The following ULK4 variants were observed in gnomAD, a reference collection of about 807,000 sequenced individuals.
ULK4 encodes inactive serine/threonine-protein kinase ULK4.
In ULK4, 133 loss-of-function variants were observed where a neutral mutation model predicts 160.6. The observed-to-expected ratio is 0.83, with a 90% CI of 0.72 to 0.96. The LOEUF is 0.96. Ranked by LOEUF, ULK4 falls within the 40% of genes least tolerant of loss-of-function variation. The pLI is 0.00. For missense variants in ULK4, 1,580 were observed against 1,499.5 expected (o/e 1.05, Z -0.89); for synonymous variants, 534 against 539.8 (o/e 0.99, Z 0.15).
intron 19 of ULK4, among the ~76,000 whole-genome samples, chr3:41,809,491 G>A (rs1164009661): frequency 6.6e-6 from 1 of 152,164 alleles, no homozygotes; most frequent in Admixed American, 6.6e-5. Context: ...TGAAAAAGTA[G>A]GCGTGTAGAC....
intron 22 of ULK4, among the ~76,000 whole-genome samples, chr3:41,747,757 C>T (rs2038466723): frequency 6.6e-6 from 1 of 152,120 alleles, no homozygotes; most frequent in South Asian, 2.1e-4. Context: ...AAAGGAAAGG[C>T]CATGCGAGGA....
intron 35 of ULK4, among the ~76,000 whole-genome samples, chr3:41,273,499 T>C (rs1034681128): frequency 2.6e-5 from 4 of 152,192 alleles, no homozygotes; most frequent in South Asian, 2.1e-4. Flanking sequence ...CATCCATACA[T>C]TTCCAGGGTT....
At chr3:41,284,939 T>A (rs1221115351) in intron 35 of ULK4, among the ~76,000 whole-genome samples, 3 of 152,012 alleles carry the variant, frequency 2.0e-5, no homozygotes, top group Non-Finnish European at 1.5e-5. Flanking sequence ...AGGACATGAA[T>A]AGACAATTCT....
chr3:41,939,579 G>A (rs1699886611), intron 2 of ULK4, among the ~76,000 whole-genome samples: 1 of 151,796 alleles, frequency 6.6e-6, no homozygotes, highest in Admixed American at 6.6e-5. Flanking sequence ...AGAACTCTCA[G>A]AAGGATTCTA....
intron 35 of ULK4, among the ~76,000 whole-genome samples, chr3:41,380,913 G>A (rs2081635894): frequency 1.3e-5 from 2 of 152,062 alleles, no homozygotes; most frequent in Non-Finnish European, 2.9e-5. Flanking sequence ...CGCGTGATAT[G>A]CTCCTCTTGC....
At chr3:41,851,825 C>A (rs528164095) in intron 17 of ULK4, among the ~76,000 whole-genome samples, 3 of 152,026 alleles carry the variant, frequency 2.0e-5, no homozygotes, top group African/African-American at 7.2e-5. Context: ...CCTAACATCA[C>A]AATTAAAAGA....
chr3:41,961,705 G>A (rs1460914611), intron 1 of ULK4, among the ~76,000 whole-genome samples: 1 of 152,182 alleles, frequency 6.6e-6, no homozygotes, highest in Non-Finnish European at 1.5e-5. Context: ...GCTCTGGGAA[G>A]TTAAGAGATG....
At chr3:41,848,415 C>G (rs1014110158) in intron 17 of ULK4, among the ~76,000 whole-genome samples, 2 of 152,212 alleles carry the variant, frequency 1.3e-5, no homozygotes, top group Non-Finnish European at 2.9e-5. Context: ...TCCAGCCCCT[C>G]TTCTTAACAC....
intron 21 of ULK4, among the ~76,000 whole-genome samples, chr3:41,767,802 C>T (rs377270254): frequency 1.3e-5 from 2 of 151,974 alleles, no homozygotes; most frequent in African/African-American, 4.8e-5. Flanking sequence ...TTCTCAAAAG[C>T]CTTAAAAAGG....
intron 34 of ULK4, among the ~76,000 whole-genome samples, chr3:41,424,289 G>A (rs778454386): frequency 6.6e-6 from 1 of 152,154 alleles, no homozygotes; most frequent in Admixed American, 6.5e-5. Flanking sequence ...TGAGCCCCTG[G>A]GGGGAGGGGC....
At chr3:41,370,610 C>T (rs891079360) in intron 35 of ULK4, among the ~76,000 whole-genome samples, 8 of 152,294 alleles carry the variant, frequency 5.3e-5, no homozygotes, top group Admixed American at 3.3e-4. Flanking sequence ...GTGCCACGAG[C>T]GACGGAGCTA....
chr3:41,916,433 G>T (rs2148809085), intron 7 of ULK4, among the ~76,000 whole-genome samples: 1 of 152,272 alleles, frequency 6.6e-6, no homozygotes, highest in Middle Eastern at 3.4e-3. Flanking sequence ...CTGTCACCCA[G>T]GGTGGAGTGC....
At chr3:41,704,514 G>GT (rs1440169726) in intron 27 of ULK4, among the ~76,000 whole-genome samples, 1 of 152,158 alleles carries the variant, frequency 6.6e-6, no homozygotes, top group African/African-American at 2.4e-5. Flanking sequence ...TTCTCCTAAA[G>GT]TCAACAAGCA....
intron 32 of ULK4, among the ~76,000 whole-genome samples, chr3:41,527,708 T>C (rs898023220): frequency 3.9e-5 from 6 of 152,230 alleles, no homozygotes; most frequent in African/African-American, 1.4e-4. Context: ...CTCACAATAA[T>C]ACCTTTTCAT....
Position 41,398,212 on chromosome 3 carries a change from A to G in ULK4, c.3545T>C (p.Ile1182Thr), listed in dbSNP as rs145321691. 5.6e-6 allele frequency: 9 copies of G among 1,612,830 alleles called. No homozygotes were observed. In the African/African-American group the frequency reaches 8.0e-5, roughly 14 times the overall value. The part of the protein sequence containing the change: ...IFDVSSKCLS[I>T]LVQLYGGENP... ...TTCCCCTCCATACAGCTGAACCAGT[A>G]TAGACAGGCACTTGGATGAAACATC... is the stretch of plus-strand genomic sequence containing the variant. The change falls in exon 35 of 37, where the codon ATA becomes ACA. Residue 1182 changes from isoleucine (I) to threonine (T), a missense_variant. Coordinates refer to ENST00000301831, the MANE Select transcript of ULK4 (RefSeq NM_017886.4).
chr3:41,378,186 G>T (rs1444543113), intron 35 of ULK4, among the ~76,000 whole-genome samples: 1 of 133,722 alleles, frequency 7.5e-6, no homozygotes, highest in Non-Finnish European at 1.5e-5. Context: ...AGATCACATG[G>T]ACACAGGAAG....
intron 35 of ULK4, among the ~76,000 whole-genome samples, chr3:41,268,544 GC>G (rs771099202): frequency 3.9e-5 from 6 of 152,130 alleles, no homozygotes; most frequent in Non-Finnish European, 7.4e-5. Flanking sequence ...GGTGGCTTAT[GC>G]CTGTAATCCC....
At chr3:41,661,513 T>C (rs1287025627) in intron 30 of ULK4, among the ~76,000 whole-genome samples, 2 of 148,610 alleles carry the variant, frequency 1.3e-5, no homozygotes, top group Non-Finnish European at 3.0e-5. Context: ...AGATAGATGA[T>C]AGATAGATAG....
intron 34 of ULK4, among the ~76,000 whole-genome samples, chr3:41,424,902 G>C (rs1008992804): frequency 6.8e-6 from 1 of 147,338 alleles, no homozygotes; most frequent in East Asian, 2.0e-4. Context: ...CCAAATGATC[G>C]CAATACCTCT....
Sources: allele counts gnomAD v4.1 joint callset (sites outside exome capture counted in the v4.1 genomes callset), GRCh38; gene constraint gnomAD v4.1.1; transcripts MANE v1.5; gene names NCBI Gene and HGNC (gene_info 2026-07-23, HGNC 2026-07-21).